The following GRID2 variants were observed in gnomAD, a reference collection of about 807,000 sequenced individuals.
GRID2 encodes the protein glutamate receptor ionotropic, delta-2.
Under a neutral mutation model 114.8 loss-of-function variants are expected in GRID2, and 33 were observed. The ratio of observed to expected loss-of-function variants is 0.29; its 90% CI spans 0.22 to 0.38. The LOEUF (loss-of-function observed/expected upper bound fraction) is 0.38. Ranked by LOEUF, GRID2 falls within the 10% of genes least tolerant of loss-of-function variation. GRID2 has a pLI of 1.00. For synonymous variants in GRID2, 505 were observed against 449.9 expected (o/e 1.12, Z -1.55); for missense variants, 1,184 against 1,257.7 (o/e 0.94, Z 0.89).
chr4:92,438,351 C>A (rs748289516), intron 1 of GRID2, among the ~76,000 whole-genome samples: 1 of 151,962 alleles, frequency 6.6e-6, no homozygotes, highest in Non-Finnish European at 1.5e-5. Context: ...AATCTCGGAG[C>A]ACATATACTC....
intron 1 of GRID2, among the ~76,000 whole-genome samples, chr4:92,355,896 C>T (rs77452591): frequency 2.0e-5 from 3 of 151,654 alleles, no homozygotes; most frequent in Non-Finnish European, 4.4e-5. Flanking sequence ...CCATGCCAGA[C>T]AGTAAAATTT....
intron 13 of GRID2, among the ~76,000 whole-genome samples, chr4:93,529,602 G>A (rs1731250690): frequency 6.6e-6 from 1 of 152,112 alleles, no homozygotes; most frequent in African/African-American, 2.4e-5. Context: ...AGAGGATTTA[G>A]GAACCCAGGG....
At chr4:93,530,049 G>A (rs190739247) in intron 13 of GRID2, among the ~76,000 whole-genome samples, 1 of 152,206 alleles carries the variant, frequency 6.6e-6, no homozygotes, top group Non-Finnish European at 1.5e-5. Flanking sequence ...TGTTACCAGA[G>A]CCAAATAATT....
At position 93,515,257 on chromosome 4, in the gene GRID2, G is replaced by A; in HGVS notation, c.2039G>A (p.Gly680Asp). ...TCCAAGCAAACAGAAATCCCTTATGGCACAGTCCTAGACTCTGCGGTATAT... is the reference window on the plus strand; with the variant it reads ...TCCAAGCAAACAGAAATCCCTTATGACACAGTCCTAGACTCTGCGGTATAT... ...DLSKQTEIPY[G>D]TVLDSAVYEH... Residue 680 changes from glycine (G) to aspartate (D), a missense_variant, in exon 13 of 16, where the codon GGC (glycine) becomes GAC (aspartate). Around this residue, in one of 3 missense-constraint regions of GRID2, gnomAD observed 717 missense variants for 796.9 expected, o/e 0.90. Coordinates refer to ENST00000282020, the MANE Select transcript of GRID2 (RefSeq NM_001510.4). The A allele has an allele frequency of 6.2e-7, 1 of 1,606,470 alleles. No individual in the cohort carries two copies. The highest frequency in any genetic ancestry group is 8.5e-7 in the Non-Finnish European group (1 of 1,175,492).
chr4:92,791,520 G>T (rs1300944257), intron 2 of GRID2, among the ~76,000 whole-genome samples: 1 of 151,768 alleles, frequency 6.6e-6, no homozygotes, highest in Non-Finnish European at 1.5e-5. Context: ...TTTAAATAAA[G>T]AATTATACAG....
chr4:93,679,040 A>G lies in GRID2; in HGVS notation c.2360+52605A>G, dbSNP rs201296037. Among the ~76,000 whole-genome samples, 261 of 151,322 alleles carry G rather than the reference A, an allele frequency of 1.7e-3. 5 individuals carry two copies. In the East Asian group the frequency reaches 0.028, roughly 16 times the overall value. Reference sequence around the variant, plus strand: ...GCTGTATTCAGGAAACCCATCACACATGCAGAGACACACATAGGCTCAAAA... The same window carrying G: ...GCTGTATTCAGGAAACCCATCACACGTGCAGAGACACACATAGGCTCAAAA... On this transcript the variant is annotated intron_variant, in intron 14 of 15. Transcript: ENST00000282020.
chr4:93,725,837 T>A (rs1456892588), intron 14 of GRID2, among the ~76,000 whole-genome samples: 4 of 152,166 alleles, frequency 2.6e-5, no homozygotes, highest in African/African-American at 7.2e-5. Context: ...GTTGTTTGTT[T>A]TTTTCTTGTA....
At chr4:92,320,892 T>A (rs2110126482) in intron 1 of GRID2, among the ~76,000 whole-genome samples, 1 of 152,314 alleles carries the variant, frequency 6.6e-6, no homozygotes, top group Non-Finnish European at 1.5e-5. Flanking sequence ...CACCATTAAT[T>A]TATTTGCTGT....
chr4:92,848,427 T>G (rs1743500484), intron 2 of GRID2, among the ~76,000 whole-genome samples: 1 of 151,944 alleles, frequency 6.6e-6, no homozygotes, highest in Non-Finnish European at 1.5e-5. Flanking sequence ...CTACTCCATA[T>G]GTATGTGTAC....
Position 92,658,111 on chromosome 4 carries a change from C to G in GRID2, c.244+67825C>G, listed in dbSNP as rs558600163. ...CCCTTATAAGTAAGAAATATTAAAACAATTAAATATACTTTACTATGGTAA... is the reference window on the plus strand; with the variant it reads ...CCCTTATAAGTAAGAAATATTAAAAGAATTAAATATACTTTACTATGGTAA... On this transcript the variant is annotated intron_variant, in intron 2 of 15. Coordinates refer to ENST00000282020, the MANE Select transcript of GRID2 (RefSeq NM_001510.4). Among the ~76,000 whole-genome samples, 34 of 151,698 alleles carry G rather than the reference C, an allele frequency of 2.2e-4. No homozygotes were observed. In the East Asian group the frequency reaches 6.4e-3, roughly 29 times the overall value.
chr4:92,699,169 A>C lies in GRID2; in HGVS notation c.244+108883A>C, dbSNP rs551779198. ...CTACATTAATACTGCCAAACTGTTG[A>C]AACCAATTTCTGTGTATTCTTTGCT... On this transcript the variant is annotated intron_variant, in intron 2 of 15. Coordinates refer to ENST00000282020, the MANE Select transcript of GRID2 (RefSeq NM_001510.4). Among the ~76,000 whole-genome samples the C allele has an allele frequency of 2.6e-5, 4 of 152,292 alleles. No homozygotes were observed. In the South Asian group the frequency reaches 6.2e-4, roughly 24 times the overall value.
rs185934405 is a variant in GRID2 at position 93,073,439 on chromosome 4, G to T, written c.245-11556G>T. On this transcript the variant is annotated intron_variant, in intron 2 of 15. Coordinates refer to ENST00000282020, the MANE Select transcript of GRID2 (RefSeq NM_001510.4). ...ATTATAAGATACAGTATATATTAGT[G>T]TATGAAATATGTGTTAATAATCTGT... 2.6e-5 allele frequency among the ~76,000 whole-genome samples: 4 copies of T among 152,228 alleles called. No homozygotes were observed. The East Asian group carries it at 7.7e-4, about 29-fold the overall frequency.
At chr4:92,699,419 T>C (rs938757500) in intron 2 of GRID2, among the ~76,000 whole-genome samples, 14 of 152,194 alleles carry the variant, frequency 9.2e-5, no homozygotes, top group Non-Finnish European at 1.8e-4. Flanking sequence ...AGCTGAATGA[T>C]GTTTGGCATG....
At chr4:93,042,281 C>CTT (rs1560821333) in intron 2 of GRID2, among the ~76,000 whole-genome samples, 12 of 64,936 alleles carry the variant, frequency 1.8e-4, no homozygotes, top group African/African-American at 7.1e-4. Context: ...CTCTTTCTCT[C>CTT]TCTCTCTCTC....
At chr4:92,570,522 T>C (rs1274565161) in intron 1 of GRID2, among the ~76,000 whole-genome samples, 3 of 152,150 alleles carry the variant, frequency 2.0e-5, no homozygotes, top group South Asian at 2.1e-4. Context: ...GGGAATAATA[T>C]TGAATCTATA....
intron 4 of GRID2, among the ~76,000 whole-genome samples, chr4:93,168,710 A>G (rs1183846223): frequency 6.6e-6 from 1 of 152,142 alleles, no homozygotes; most frequent in Non-Finnish European, 1.5e-5. Context: ...AAAGAGAAAC[A>G]GAACCGTGAC....
chr4:92,891,180 G>C (rs761966877), intron 2 of GRID2, among the ~76,000 whole-genome samples: 2 of 152,018 alleles, frequency 1.3e-5, no homozygotes, highest in Non-Finnish European at 2.9e-5. Flanking sequence ...ATGGGTTGAT[G>C]GGTGCAGCAA....
intron 1 of GRID2, among the ~76,000 whole-genome samples, chr4:93,784,595 TTTG>T (rs1202321044): frequency 1.3e-5 from 2 of 151,590 alleles, no homozygotes; most frequent in African/African-American, 4.9e-5. Flanking sequence ...AAAAAAAAAA[TTTG>T]TTGATTTATT....
intron 2 of GRID2, among the ~76,000 whole-genome samples, chr4:92,659,184 C>T (rs1732402275): frequency 1.3e-5 from 2 of 151,724 alleles, no homozygotes; most frequent in South Asian, 4.1e-4. Context: ...AATATAGCAT[C>T]TAAATCATAT....
Sources: allele counts gnomAD v4.1 joint callset (sites outside exome capture counted in the v4.1 genomes callset), GRCh38; gene constraint gnomAD v4.1.1; regional missense constraint gnomAD v4.1.1; transcripts MANE v1.5; gene names NCBI Gene and HGNC (gene_info 2026-07-23, HGNC 2026-07-21).